SLC6A4: variants seen among roughly 807,000 people sequenced by gnomAD.
SLC6A4 encodes the protein solute carrier family 6 member 4.
SLC6A4 carries 22 observed loss-of-function variants against 73.4 expected under a neutral mutation model. The observed-to-expected ratio is 0.30, with a 90% CI of 0.21 to 0.43. The LOEUF (loss-of-function observed/expected upper bound fraction) is 0.43, where lower values mean the gene tolerates loss of function less well. SLC6A4 is among the 20% of genes least tolerant of loss of function. The pLI, the probability that SLC6A4 is intolerant of heterozygous loss-of-function variation, is 1.00. For synonymous variants in SLC6A4, 270 were observed against 315.5 expected (o/e 0.86, Z 1.53); for missense variants, 593 against 808.5 (o/e 0.73, Z 3.23).
intron 1 of SLC6A4, among the ~76,000 whole-genome samples, chr17:30,224,996 T>C (rs1236697509): frequency 6.6e-6 from 1 of 152,106 alleles, no homozygotes; most frequent in Non-Finnish European, 1.5e-5. Flanking sequence ...ATCCCCTAGT[T>C]CTTCTTAATT....
intron 8 of SLC6A4, among the ~76,000 whole-genome samples, chr17:30,214,976 TC>T (rs1168493312): frequency 4.3e-4 from 63 of 147,078 alleles, no homozygotes; most frequent in African/African-American, 1.6e-3. Context: ...CTTTCTTCTT[TC>T]TTTCTTTTTC....
Position 30,211,440 on chromosome 17 carries a change from G to A in SLC6A4, c.1205-16C>T, listed in dbSNP as rs1461606245. The A allele has an allele frequency of 6.5e-7, 1 of 1,529,576 alleles. No homozygotes were observed. Among genetic ancestry groups the A allele is most frequent in the East Asian group, 2.2e-5 (1 of 44,568 alleles). 94.8% of individuals were successfully genotyped at this position (1,529,576 alleles called of 1,614,324 possible). Reference sequence around the variant, plus strand: ...AGGCTGGGACCTGAGACAGAGGGGAGAGAGGAGGAGGTGGTTGACAAGACC... The same window carrying A: ...AGGCTGGGACCTGAGACAGAGGGGAAAGAGGAGGAGGTGGTTGACAAGACC... On this transcript the variant is annotated splice_polypyrimidine_tract_variant and intron_variant, in intron 9 of 14. Transcript: ENST00000650711. This position sits in a 1 kb window ranked among gnomAD's most constrained non-coding sequence, Gnocchi z 4.0.
At chr17:30,206,258 A>C (rs1358307113) in intron 13 of SLC6A4, 4 of 140,878 alleles carry the variant, frequency 2.8e-5, no homozygotes, top group East Asian at 4.2e-4. Context: ...AAAAAAAAAA[A>C]CACAAAAAAA....
chr17:30,210,159 C>T (rs1195904332), intron 11 of SLC6A4, among the ~76,000 whole-genome samples: 3 of 151,580 alleles, frequency 2.0e-5, no homozygotes, highest in Non-Finnish European at 4.4e-5. Flanking sequence ...CGGCATTACA[C>T]ACATGACGTG....
At chr17:30,229,369 CGTT>C (rs958688908) in intron 1 of SLC6A4, among the ~76,000 whole-genome samples, 2 of 151,992 alleles carry the variant, frequency 1.3e-5, no homozygotes, top group African/African-American at 4.8e-5. Context: ...TAGAACACAG[CGTT>C]GTTAAGTGCT....
Position 30,195,152 on chromosome 17 carries a change from C to T in SLC6A4, c.*3304G>A, listed in dbSNP as rs201625995. 1.3e-5 allele frequency: 2 copies of T among 152,172 alleles called. No homozygotes were observed. Among genetic ancestry groups the T allele is most frequent in the Non-Finnish European group, 2.9e-5 (2 of 68,026 alleles). The allele number at this position is 152,172 out of a possible 1,614,324, so 9.4% of individuals were successfully genotyped here. Reference sequence around the variant, plus strand: ...TGAAACACCTAATGTAGAAACAATACTGAATTGATTTCAACTATATGAAAC... The same window carrying T: ...TGAAACACCTAATGTAGAAACAATATTGAATTGATTTCAACTATATGAAAC... On this transcript the variant is annotated 3_prime_UTR_variant, in exon 15 of 15. Coordinates refer to ENST00000650711, the MANE Select transcript of SLC6A4 (RefSeq NM_001045.6).
At position 30,221,755 on chromosome 17, in the gene SLC6A4, G is replaced by T. The variant is rs55831806; in HGVS notation, c.204C>A (p.Thr68=). Residue 68 remains threonine, a synonymous_variant, in exon 3 of 15, where the codon ACC becomes ACA. Transcript: ENST00000650711. ...DTRHSIPATT[T]TLVAELHQGE... The stretch of plus-strand genomic sequence containing the variant: ...CTTGATGAAGCTCAGCCACTAGGGT[G>T]GTGGTGGTCGCTGGGATAGAGTGCC... The T allele has an allele frequency of 1.5e-4, 247 of 1,614,162 alleles. No homozygotes were observed. The highest frequency in any genetic ancestry group is 2.0e-4 in the Non-Finnish European group (237 of 1,180,002).
Position 30,221,821 on chromosome 17 carries a change from C to G in SLC6A4, c.138G>C (p.Gly46=), listed in dbSNP as rs886052780. The G allele has an allele frequency of 5.6e-6, 9 of 1,614,070 alleles. No individual in the cohort carries two copies. The highest frequency in any genetic ancestry group is 7.6e-6 in the Non-Finnish European group (9 of 1,180,044). Residue 46 remains glycine (G), a synonymous_variant, in exon 3 of 15, where the codon GGG becomes GGC. Transcript: ENST00000650711. The part of the protein sequence containing the change: ...DKVESGQISN[G]YSAVPSPGAG... ...CACCAGGACTTGGAACTGCTGAGTA[C>G]CCATTGGATATTTGCCCGGACTCCA...
chr17:30,229,818 G>A (rs190590681), intron 1 of SLC6A4, among the ~76,000 whole-genome samples: 3 of 152,044 alleles, frequency 2.0e-5, no homozygotes, highest in East Asian at 3.9e-4. Flanking sequence ...GTCAGAGTTC[G>A]AGACCAGCCT....
Position 30,231,284 on chromosome 17 carries a change from A to G in SLC6A4, c.-221+4329T>C, listed in dbSNP as rs192543804. Among the ~76,000 whole-genome samples the G allele has an allele frequency of 1.2e-3, 176 of 151,576 alleles. No homozygotes were observed. In the Middle Eastern group the frequency reaches 0.021, roughly 18 times the overall value. On this transcript the variant is annotated intron_variant, in intron 1 of 14. Transcript: ENST00000650711. The stretch of plus-strand genomic sequence containing the variant: ...ATATATATTAGTTGAACCTATATAT[A>G]TAGTATATATATACCTGTATGTATA...
chr17:30,208,764 TCA>T (rs1906289486), intron 12 of SLC6A4, among the ~76,000 whole-genome samples: 1 of 152,220 alleles, frequency 6.6e-6, no homozygotes, highest in Non-Finnish European at 1.5e-5. Flanking sequence ...CGATCTTGGC[TCA>T]CTGCAACCTC....
intron 13 of SLC6A4, chr17:30,203,588 G>A: frequency 2.2e-6 from 1 of 456,406 alleles, no homozygotes; most frequent in Middle Eastern, 6.3e-4. Context: ...GGGGGATGTT[G>A]CAGCAGCCCT....
At chr17:30,208,183 A>T (rs1345048837) in intron 12 of SLC6A4, among the ~76,000 whole-genome samples, 1 of 151,680 alleles carries the variant, frequency 6.6e-6, no homozygotes, top group Non-Finnish European at 1.5e-5. Context: ...AGAGACACAC[A>T]CCCCCTTCTT....
chr17:30,222,776 C>G (rs1906809494), intron 2 of SLC6A4, 43 bp downstream of exon 2: 2 of 1,302,734 alleles, frequency 1.5e-6, no homozygotes, highest in African/African-American at 1.5e-5. Context: ...TCCCATTATG[C>G]ATTTGCAAGC....
chr17:30,218,935 A>C lies in SLC6A4; in HGVS notation c.344-4T>G. ...GTGTAGGGGAGGAGGAATGCCCCTG[A>C]GGCAGATGAAAGACAATTTCACTCC... On this transcript the variant is annotated splice_polypyrimidine_tract_variant and splice_region_variant and intron_variant, in intron 3 of 14. Transcript: ENST00000650711. The C allele has an allele frequency of 6.2e-7, 1 of 1,613,964 alleles. No homozygotes were observed. Among genetic ancestry groups the C allele is most frequent in the Non-Finnish European group, 8.5e-7 (1 of 1,180,006 alleles).
chr17:30,204,319 G>GT (rs1489676933), intron 13 of SLC6A4: 1 of 151,940 alleles, frequency 6.6e-6, no homozygotes, highest in African/African-American at 2.4e-5. Flanking sequence ...TTGTCTGCAG[G>GT]TAATAAAATG....
In SLC6A4 at chr17:30,218,098, C is replaced by A; in HGVS notation, c.698+20G>T. On this transcript the variant is annotated intron_variant, in intron 5 of 14. Transcript: ENST00000650711. ...GTGGCCTGCCCCTAACAGGCCAACCCCTCACTTACGTGCACTTACGTGTAA... is the reference window on the plus strand; with the variant it reads ...GTGGCCTGCCCCTAACAGGCCAACCACTCACTTACGTGCACTTACGTGTAA... 4 of 1,608,264 alleles carry A rather than the reference C, an allele frequency of 2.5e-6. No individual in the cohort carries two copies. Among genetic ancestry groups the A allele is most frequent in the Non-Finnish European group, 3.4e-6 (4 of 1,174,756 alleles).
intron 12 of SLC6A4, among the ~76,000 whole-genome samples, chr17:30,208,841 G>A (rs987843449): frequency 2.7e-5 from 4 of 150,172 alleles, no homozygotes; most frequent in African/African-American, 4.9e-5. Flanking sequence ...ACAGGCTTGC[G>A]CCATCATGCC....
At chr17:30,226,521 G>A (rs1906928583) in intron 1 of SLC6A4, among the ~76,000 whole-genome samples, 1 of 152,192 alleles carries the variant, frequency 6.6e-6, no homozygotes, top group Non-Finnish European at 1.5e-5. Flanking sequence ...CCAGCATGGT[G>A]AAATCCTGTC....
Sources: gnomAD v4.1 joint callset for allele counts (sites outside exome capture counted in the v4.1 genomes callset) on GRCh38, gnomAD v4.1.1 for gene constraint, Gnocchi (gnomAD v3.1) non-coding constraint, MANE v1.5 for transcripts, NCBI Gene and HGNC (gene_info 2026-07-23, HGNC 2026-07-21) for gene names.